The following AMY2B variants were observed in gnomAD, a reference collection of about 807,000 sequenced individuals.
AMY2B encodes amylase alpha 2B.
AMY2B carries 63 observed loss-of-function variants against 59.3 expected under a neutral mutation model. The observed-to-expected ratio is 1.06, with a 90% CI of 0.87 to 1.31. AMY2B has a LOEUF of 1.31. Among genes scored for constraint, AMY2B ranks in the 50% most tolerant of loss-of-function variants. AMY2B has a pLI of 0.00. For synonymous variants in AMY2B, 180 were observed against 198.1 expected (o/e 0.91, Z 0.77); for missense variants, 635 against 626.7 (o/e 1.01, Z -0.14).
intron 1 of AMY2B, among the ~76,000 whole-genome samples, chr1:103,561,512 G>A (rs548974992): frequency 1.1e-4 from 17 of 152,174 alleles, no homozygotes; most frequent in Non-Finnish European, 2.2e-4. Flanking sequence ...TTGATTTAGT[G>A]ACACTGCTTA....
chr1:103,566,651 T>G (rs772396630), upstream of AMY2B, among the ~76,000 whole-genome samples: 1 of 152,170 alleles, frequency 6.6e-6, no homozygotes, highest in Non-Finnish European at 1.5e-5. Flanking sequence ...ACTCTAGAAT[T>G]CTAGGAGAAA....
upstream of AMY2B, chr1:103,570,355 G>A (rs769105195): frequency 1.4e-6 from 1 of 719,520 alleles, no homozygotes; most frequent in South Asian, 1.3e-5. Flanking sequence ...TCCTGGACAT[G>A]GAATCTTGTG....
At chr1:103,565,242 G>A (rs1054141255) in intron 1 of AMY2B, 1 of 152,108 alleles carries the variant, frequency 6.6e-6, no homozygotes, top group African/African-American at 2.4e-5. Context: ...ATATAAAATA[G>A]CATAGTATTT....
chr1:103,557,750 T>TC (rs1651607088), intron 1 of AMY2B, among the ~76,000 whole-genome samples: 1 of 152,094 alleles, frequency 6.6e-6, no homozygotes, highest in Non-Finnish European at 1.5e-5. Flanking sequence ...TATCCAAAAT[T>TC]TAAGAAGATG....
Position 103,577,613 on chromosome 1 carries a change from G to A in AMY2B, c.1220+5G>A. ...ACATCGATGGCGCCAAATAAGGTGA[G>A]AATATGTATTTAGACATGTCCTCTA... On this transcript the variant is annotated splice_donor_5th_base_variant and intron_variant, in intron 8 of 9. Transcript: ENST00000684275. The A allele has an allele frequency of 6.2e-7, 1 of 1,611,856 alleles. No homozygotes were observed. Among genetic ancestry groups the A allele is most frequent in the Non-Finnish European group, 8.5e-7 (1 of 1,179,770 alleles).
chr1:103,558,412 G>A (rs1326140063), intron 1 of AMY2B, among the ~76,000 whole-genome samples: 1 of 152,044 alleles, frequency 6.6e-6, no homozygotes, highest in South Asian at 2.1e-4. Context: ...ATTTCCATTA[G>A]GATGTAGAAA....
chr1:103,573,782 A>C lies in AMY2B; in HGVS notation c.588A>C (p.Glu196Asp). Residue 196 changes from glutamate to aspartate, a missense_variant, in exon 4 of 10, where the codon GAA (glutamate) becomes GAC (aspartate). Coordinates refer to ENST00000684275, the MANE Select transcript of AMY2B (RefSeq NM_001387437.1). Reference protein sequence around the residue: ...EKDYVRSKIAEYMNHLIDIGV... With the variant: ...EKDYVRSKIADYMNHLIDIGV... ...ATTATGTGCGTTCCAAGATTGCCGAATATATGAATCATCTCATTGACATTG... is the reference window on the plus strand; with the variant it reads ...ATTATGTGCGTTCCAAGATTGCCGACTATATGAATCATCTCATTGACATTG... The C allele has an allele frequency of 6.2e-7, 1 of 1,613,858 alleles. No homozygotes were observed.
intron 1 of AMY2B, among the ~76,000 whole-genome samples, chr1:103,559,299 T>C (rs1481612997): frequency 6.6e-6 from 1 of 152,232 alleles, no homozygotes; most frequent in Non-Finnish European, 1.5e-5. Context: ...TTGCCTATAA[T>C]ATTCAGTACA....
At chr1:103,557,144 G>A (rs1036205633) in intron 1 of AMY2B, among the ~76,000 whole-genome samples, 8 of 149,964 alleles carry the variant, frequency 5.3e-5, no homozygotes, top group African/African-American at 1.0e-4. Flanking sequence ...TAAAGCGTGC[G>A]CGCGCGCACA....
At chr1:103,564,626 C>G (rs1331393554) in intron 1 of AMY2B, among the ~76,000 whole-genome samples, 1 of 152,082 alleles carries the variant, frequency 6.6e-6, no homozygotes, top group East Asian at 1.9e-4. Flanking sequence ...GTACAACTCT[C>G]CAGGCCTGAT....
At chr1:103,577,369 T>C in intron 7 of AMY2B, 121 bp from the exon 8 acceptor site, 1 of 1,550,006 alleles carries the variant, frequency 6.5e-7, no homozygotes, top group Non-Finnish European at 8.8e-7. Flanking sequence ...AGGCATTGGA[T>C]TCTAGATAAA....
chr1:103,576,817 G>T (rs1426477406), intron 7 of AMY2B, among the ~76,000 whole-genome samples: 2 of 152,170 alleles, frequency 1.3e-5, no homozygotes, highest in Non-Finnish European at 2.9e-5. Context: ...GAGACACAGA[G>T]AAATTATGTA....
intron 2 of AMY2B, 35 bp downstream of exon 2, chr1:103,572,291 A>G (rs1336236599): frequency 1.2e-6 from 2 of 1,601,918 alleles, no homozygotes; most frequent in Admixed American, 1.7e-5. Flanking sequence ...AAAATAACAG[A>G]TAGGAAAATG....
At position 103,573,043 on chromosome 1, in the gene AMY2B, G is replaced by T. The variant is rs201784555; in HGVS notation, c.316-20G>T. The T allele has an allele frequency of 4.1e-4, 667 of 1,612,924 alleles. 1 individual carries two copies. Among genetic ancestry groups the T allele is most frequent in the Admixed American group, 6.8e-4 (41 of 60,002 alleles). ...CTGCCTCTCTGTAAGTCACACTGAA[G>T]TAGAAACTTTGCTTTCTAGGTTCGT... is the stretch of plus-strand genomic sequence containing the variant. On this transcript the variant is annotated intron_variant, in intron 2 of 9. Coordinates refer to ENST00000684275, the MANE Select transcript of AMY2B (RefSeq NM_001387437.1).
chr1:103,576,834 T>C (rs1652374504), intron 7 of AMY2B, among the ~76,000 whole-genome samples: 1 of 152,190 alleles, frequency 6.6e-6, no homozygotes, highest in South Asian at 2.1e-4. Flanking sequence ...TGTATGTTGA[T>C]TAAATTTTCT....
intron 7 of AMY2B, among the ~76,000 whole-genome samples, chr1:103,576,290 T>G (rs1189212019): frequency 6.6e-6 from 1 of 152,202 alleles, no homozygotes. Flanking sequence ...CTAGCTTTTT[T>G]TAGATTCCTT....
upstream of AMY2B, chr1:103,571,528 A>G: frequency 6.3e-7 from 1 of 1,586,020 alleles, no homozygotes; most frequent in South Asian, 1.1e-5. Context: ...TCATGCTAAT[A>G]TTTACTTTGT....
chr1:103,564,514 G>A lies in AMY2B; in HGVS notation c.-206-921G>A, dbSNP rs139891698. On this transcript the variant is annotated intron_variant, in intron 1 of 11. Coordinates refer to the AMY2B transcript ENST00000361355. ...ATAAAACTCCCTTTGCTACTTTGAA[G>A]GCACCTCTTTATTATCTCCTTCCTA... 4.4e-3 allele frequency among the ~76,000 whole-genome samples: 663 copies of A among 152,102 alleles called. 20 individuals are homozygous for A. The highest frequency in any genetic ancestry group is 0.04 in the Admixed American group (611 of 15,262).
intron 5 of AMY2B, 139 bp from the exon 6 acceptor site, chr1:103,575,084 A>C (rs942996088): frequency 2.3e-5 from 21 of 894,036 alleles, no homozygotes; most frequent in South Asian, 3.8e-5. Flanking sequence ...ATATATATAT[A>C]TCTTACAGAA....
Sources: allele counts gnomAD v4.1 joint callset (sites outside exome capture counted in the v4.1 genomes callset), GRCh38; gene constraint gnomAD v4.1.1; transcripts MANE v1.5; gene names NCBI Gene and HGNC (gene_info 2026-07-23, HGNC 2026-07-21).